The following SERINC2 variants were observed in gnomAD, a reference collection of about 807,000 sequenced individuals.
SERINC2 encodes the protein serine incorporator 2.
A neutral mutation model predicts 54.2 loss-of-function variants in SERINC2; 56 were observed. The ratio of observed to expected loss-of-function variants is 1.03; its 90% confidence interval spans 0.83 to 1.29. SERINC2 has a LOEUF of 1.29. SERINC2 is among the 50% of genes most tolerant of loss of function. SERINC2 has a pLI of 0.00. For missense variants in SERINC2, 614 were observed against 607.4 expected (o/e 1.01, Z -0.12); for synonymous variants, 272 against 253.1 (o/e 1.07, Z -0.71).
At chr1:31,420,127 G>C (rs1640871587) in intron 1 of SERINC2, among the ~76,000 whole-genome samples, 1 of 152,216 alleles carries the variant, frequency 6.6e-6, no homozygotes, top group Non-Finnish European at 1.5e-5. Context: ...TCTGTAGGAA[G>C]AGATTTAAAT....
intron 1 of SERINC2, among the ~76,000 whole-genome samples, chr1:31,417,852 C>CTTTTTTTTTTTTTTTTTT (rs3050463): frequency 1.0e-5 from 1 of 95,732 alleles, no homozygotes; most frequent in Non-Finnish European, 1.9e-5. Flanking sequence ...AAATTTCATT[C>CTTTTTTTTTTTTTTTTTT]TTTTTTTTTT....
At chr1:31,428,805 T>G (rs2297884) in intron 6 of SERINC2, among the ~76,000 whole-genome samples, 173 bp from the exon 7 acceptor site, 59,508 of 151,398 alleles carry the variant, frequency 0.39, 11,879 homozygotes, top group South Asian at 0.43. Flanking sequence ...GACTCAGCCT[T>G]TGGTTAGTGA....
At chr1:31,415,732 G>A (rs1421993644) in intron 1 of SERINC2, 2 of 272,782 alleles carry the variant, frequency 7.3e-6, no homozygotes, top group Non-Finnish European at 1.1e-5. Flanking sequence ...TCCTGTTGCA[G>A]TGAAGAGTTG....
rs1400432987 is a variant in SERINC2 at position 31,434,421 on chromosome 1, C to A, written c.*222C>A. 3.5e-6 allele frequency: 2 copies of A among 570,574 alleles called. No homozygotes were observed. The highest frequency in any genetic ancestry group is 4.4e-5 in the South Asian group (2 of 45,636). 35.3% of individuals were successfully genotyped at this position (570,574 alleles called of 1,614,324 possible). A position where few individuals can be genotyped will look rare whatever the true frequency, so the allele number is the denominator to read the frequency against. On this transcript the variant is annotated 3_prime_UTR_variant, in exon 10 of 10. Transcript: ENST00000373709. ...GCCCCATCCCCCCGCCACACCCACA[C>A]GGTGGAGCTGCCTCTTCCTTCCCCT...
At chr1:31,414,814 G>A (rs1640745781) in intron 1 of SERINC2, 1 of 983,130 alleles carries the variant, frequency 1.0e-6, no homozygotes, top group South Asian at 4.7e-5. Flanking sequence ...CCTGGGGGTG[G>A]AGATGTTGAG....
At position 31,414,475 on chromosome 1, in the gene SERINC2, G is replaced by GAGAGAGAGAGA. The variant is rs1570023837; in HGVS notation, c.39+1171_39+1172insAGAGAGAGAGA. ...TGTGTGAGAGAGAGAGAGAGAGAGA[G>GAGAGAGAGAGA]GAGGGGGTGTAGGGGAGAGCTGAGG... On this transcript the variant is annotated intron_variant, in intron 1 of 9. Coordinates refer to ENST00000373709, the MANE Select transcript of SERINC2 (RefSeq NM_178865.5). 9 of 1,026,492 alleles carry GAGAGAGAGAGA rather than the reference G, an allele frequency of 8.8e-6. No individual in the cohort carries two copies. In the African/African-American group the frequency reaches 8.8e-5, roughly 10 times the overall value. 63.6% of individuals were successfully genotyped at this position (1,026,492 alleles called of 1,614,324 possible).
At chr1:31,433,223 G>T in intron 9 of SERINC2, 38 bp downstream of exon 9, 2 of 1,542,374 alleles carry the variant, frequency 1.3e-6, no homozygotes, top group Non-Finnish European at 9.0e-7. Context: ...GCCCGGAGGT[G>T]CAGGGTGCAG....
rs371949679 is a variant in SERINC2 at position 31,425,780 on chromosome 1, G to A, written c.477G>A (p.Trp159Ter). The change falls in exon 5 of 10, where the codon TGG (tryptophan) becomes TGA (stop). Residue 159 changes from tryptophan (W) to a stop codon, truncating the protein, a stop_gained. Transcript: ENST00000373709. LOFTEE classifies it high-confidence loss of function. The stretch of plus-strand genomic sequence containing the variant: ...CACTCCCCTCTCCCCACCCAGTCTG[G>A]TTCTACTTCGGCGTCGTGGGCTCCT... ...YIPDGSFTNI[W>*]FYFGVVGSFL... 8 of 1,612,944 alleles carry A rather than the reference G, an allele frequency of 5.0e-6. No individual in the cohort carries two copies. The highest frequency in any genetic ancestry group is 1.3e-5 in the African/African-American group (1 of 75,036).
rs782215556 is a variant in SERINC2, at chr1:31,423,799, G to T, written c.146G>T (p.Gly49Val). ...RLIFTFFLFL[G>V]VLVSIIMLSP... is the part of the protein sequence containing the mutation. Reference sequence around the variant, plus strand: ...ATCTTCACGTTCTTCCTCTTCCTGGGGGTGCTGGTGTCCATCATTATGCTG... The same window carrying T: ...ATCTTCACGTTCTTCCTCTTCCTGGTGGTGCTGGTGTCCATCATTATGCTG... Residue 49 changes from glycine (G) to valine (V), a missense_variant, in exon 2 of 10, where the codon GGG (glycine) becomes GTG (valine). Transcript: ENST00000373709. 6.2e-7 allele frequency: 1 copy of T among 1,614,066 alleles called. No individual in the cohort carries two copies. The highest frequency in any genetic ancestry group is 1.1e-5 in the South Asian group (1 of 91,082).
At chr1:31,421,174 G>A (rs1640895104) in intron 1 of SERINC2, among the ~76,000 whole-genome samples, 1 of 152,142 alleles carries the variant, frequency 6.6e-6, no homozygotes, top group Non-Finnish European at 1.5e-5. Flanking sequence ...CTGTGCATGC[G>A]AGGGATCCAA....
chr1:31,433,931 C>T, intron 9 of SERINC2, 133 bp from the exon 10 acceptor site: 5 of 881,182 alleles, frequency 5.7e-6, no homozygotes, highest in Non-Finnish European at 8.9e-6. Flanking sequence ...TTAAAAATGT[C>T]AGAGATGGAC....
At chr1:31,418,187 C>T (rs1432656972) in intron 1 of SERINC2, among the ~76,000 whole-genome samples, 2 of 152,080 alleles carry the variant, frequency 1.3e-5, no homozygotes, top group Non-Finnish European at 2.9e-5. Context: ...AAATAATATT[C>T]TATTGTATGG....
At chr1:31,413,207 G>A (rs1453037084), upstream of SERINC2, 3 of 1,076,360 alleles carry the variant, frequency 2.8e-6, no homozygotes, top group East Asian at 1.8e-4. This position sits in a 1 kb window ranked among gnomAD's most constrained non-coding sequence, Gnocchi z 5.0. Context: ...CCGGCACCCG[G>A]ATCCCGAGGT....
intron 8 of SERINC2, among the ~76,000 whole-genome samples, chr1:31,431,271 C>CAT (rs1553134424): frequency 6.6e-6 from 1 of 151,552 alleles, no homozygotes; most frequent in East Asian, 1.9e-4. Flanking sequence ...ACTACAGGTG[C>CAT]ATACCACCAT....
chr1:31,429,918 A>G (rs372582934), intron 8 of SERINC2, among the ~76,000 whole-genome samples: 29 of 152,224 alleles, frequency 1.9e-4, no homozygotes, highest in African/African-American at 6.5e-4. Context: ...CCTCAGTAAG[A>G]GGATGACAAC....
chr1:31,434,380 A>C lies in SERINC2; in HGVS notation c.*181A>C. 3.2e-6 allele frequency: 2 copies of C among 620,784 alleles called. No homozygotes were observed. The highest frequency in any genetic ancestry group is 2.8e-5 in the East Asian group (1 of 35,756). The allele number at this position is 620,784 out of a possible 1,614,324, so 38.5% of individuals were successfully genotyped here. A position where few individuals can be genotyped will look rare whatever the true frequency, so the allele number is the denominator to read the frequency against. ...GTAGTGCCTTCAGGGTCCGAGGAGC[A>C]TCAGGCTCCTGCAGAGCCCCATCCC... On this transcript the variant is annotated 3_prime_UTR_variant, in exon 10 of 10. Coordinates refer to ENST00000373709, the MANE Select transcript of SERINC2 (RefSeq NM_178865.5).
Position 31,425,372 on chromosome 1 carries a change from G to A in SERINC2, c.435G>A (p.Val145=). ...FKFLILVGLT[V]GAFYIPDGSF... is the part of the protein sequence containing the mutation. ...TCCTGATCCTGGTGGGCCTCACCGT[G>A]GGTGCCTTCTACATTCCTGACGGCT... Residue 145 remains valine, a synonymous_variant, in exon 4 of 10, where the codon GTG becomes GTA. Coordinates refer to ENST00000373709, the MANE Select transcript of SERINC2 (RefSeq NM_178865.5). The A allele has an allele frequency of 6.2e-7, 1 of 1,613,432 alleles. No homozygotes were observed.
At chr1:31,411,493 C>G (rs1038207771), upstream of SERINC2, among the ~76,000 whole-genome samples, 1 of 151,920 alleles carries the variant, frequency 6.6e-6, no homozygotes, top group African/African-American at 2.4e-5. Flanking sequence ...AATGGTACCA[C>G]GGGGGAAAGT....
rs782285529 is a variant in SERINC2 at position 31,424,886 on chromosome 1, T to C, written c.392+13T>C. 44 of 1,603,556 alleles carry C rather than the reference T, an allele frequency of 2.7e-5. No homozygotes were observed. Among genetic ancestry groups the C allele is most frequent in the Non-Finnish European group, 4.3e-6 (5 of 1,175,548 alleles). On this transcript the variant is annotated intron_variant, in intron 3 of 9. Transcript: ENST00000373709. ...CCATCCAGAATGGGTGAGAGAGGGG[T>C]CCCTGCCTGCACCCTGGGACCTTCC...
Sources: allele counts gnomAD v4.1 joint callset (sites outside exome capture counted in the v4.1 genomes callset), GRCh38; gene constraint gnomAD v4.1.1; non-coding constraint Gnocchi (gnomAD v3.1); transcripts MANE v1.5; gene names NCBI Gene and HGNC (gene_info 2026-07-23, HGNC 2026-07-21).